Variants in TAFA5 observed in about 807,000 individuals in gnomAD.
The protein encoded by TAFA5 is TAFA chemokine like family member 5.
TAFA5 carries 6 observed loss-of-function variants against 15.3 expected under a neutral mutation model. The observed-to-expected ratio is 0.39, with a 90% CI of 0.21 to 0.77. TAFA5 has a LOEUF of 0.77. Among genes scored for constraint, TAFA5 ranks in the 30% least tolerant of loss-of-function variants. TAFA5 has a pLI of 0.41. For missense variants in TAFA5, 161 were observed against 193.1 expected (o/e 0.83, Z 0.98); for synonymous variants, 103 against 80.7 (o/e 1.28, Z -1.48).
At chr22:48,670,667 G>C (rs1412405533) in intron 2 of TAFA5, among the ~76,000 whole-genome samples, 1 of 152,272 alleles carries the variant, frequency 6.6e-6, no homozygotes, top group Non-Finnish European at 1.5e-5. Context: ...CAGGATTTAG[G>C]AGCGGCTGGT....
intron 2 of TAFA5, among the ~76,000 whole-genome samples, chr22:48,673,887 A>T (rs1367784152): frequency 2.0e-5 from 3 of 152,020 alleles, no homozygotes; most frequent in African/African-American, 7.2e-5. Flanking sequence ...AATGCATCAT[A>T]GCTGGGTATA....
At chr22:48,719,790 G>A (rs1409007747) in intron 3 of TAFA5, among the ~76,000 whole-genome samples, 2 of 152,150 alleles carry the variant, frequency 1.3e-5, no homozygotes, top group African/African-American at 4.8e-5. Flanking sequence ...TCATCACCAC[G>A]ATAATGGCTG....
chr22:48,736,808 G>T (rs982583041), intron 3 of TAFA5, among the ~76,000 whole-genome samples: 3 of 152,204 alleles, frequency 2.0e-5, no homozygotes, highest in Non-Finnish European at 4.4e-5. Flanking sequence ...CCGAATGAAG[G>T]CCCGTGGCCG....
rs1305321439 is a variant in TAFA5 at position 48,673,296 on chromosome 22, CAG to C, written c.262+26553_262+26554del. Among the ~76,000 whole-genome samples, 143 of 132,924 alleles carry C rather than the reference CAG, an allele frequency of 1.1e-3. 4 individuals are homozygous for C. Among genetic ancestry groups the C allele is most frequent in the Non-Finnish European group, 1.7e-4 (10 of 60,076 alleles). 87.2% of individuals were successfully genotyped at this position (132,924 alleles called of 152,430 possible). On this transcript the variant is annotated intron_variant, in intron 2 of 3. Transcript: ENST00000402357. ...CAGATGTTTTTTGAAAAAGATTAAA[CAG>C]AGTTTCTGCCTCTGTGTGTCTCTGC... is the stretch of plus-strand genomic sequence containing the variant.
intron 1 of TAFA5, among the ~76,000 whole-genome samples, chr22:48,628,551 G>A (rs1926103296): frequency 1.3e-5 from 2 of 152,228 alleles, no homozygotes; most frequent in South Asian, 4.1e-4. Context: ...GCATAGACGG[G>A]TTTGCTCCCT....
At chr22:48,647,242 T>A (rs1926900828) in intron 2 of TAFA5, among the ~76,000 whole-genome samples, 1 of 152,150 alleles carries the variant, frequency 6.6e-6, no homozygotes, top group African/African-American at 2.4e-5. Flanking sequence ...TCTGAGCACA[T>A]GCAGATGAGT....
intron 2 of TAFA5, among the ~76,000 whole-genome samples, chr22:48,651,901 C>T (rs5771676): frequency 0.48 from 73,482 of 151,888 alleles, 18,731 homozygotes; most frequent in Non-Finnish European, 0.57. Context: ...GGGGACCACA[C>T]TGATGGCAGG....
chr22:48,532,740 G>A lies in TAFA5; in HGVS notation c.112+43036G>A, dbSNP rs185804904. Among the ~76,000 whole-genome samples the A allele has an allele frequency of 6.0e-4, 92 of 152,328 alleles. 1 individual carries two copies. The highest frequency in any genetic ancestry group is 4.4e-3 in the East Asian group (23 of 5,178). On this transcript the variant is annotated intron_variant, in intron 1 of 3. Coordinates refer to ENST00000402357, the MANE Select transcript of TAFA5 (RefSeq NM_001082967.3). The stretch of plus-strand genomic sequence containing the variant: ...AGAGGAGGATGGCACAGGAGGTCAG[G>A]CCTGGAAGGACCCGGGCCACTTCTG...
At chr22:48,633,327 G>C (rs559138338) in intron 1 of TAFA5, among the ~76,000 whole-genome samples, 1 of 152,340 alleles carries the variant, frequency 6.6e-6, no homozygotes, top group South Asian at 2.1e-4. Context: ...TCGTTGCACA[G>C]ATATTCCTGA....
intron 1 of TAFA5, among the ~76,000 whole-genome samples, chr22:48,630,527 G>A (rs1013170076): frequency 3.9e-5 from 6 of 152,166 alleles, no homozygotes; most frequent in Admixed American, 6.5e-5. Context: ...TTCCAGCCTC[G>A]CTCGGGCCCA....
In TAFA5 at chr22:48,596,631, C is replaced by T. The variant is rs577284295; in HGVS notation, c.113-49966C>T. On this transcript the variant is annotated intron_variant, in intron 1 of 3. Transcript: ENST00000402357. The stretch of plus-strand genomic sequence containing the variant: ...AGGCGCGTGAGTGACAAGTGAGGCT[C>T]GACATTGACACGCTGTTATTAACCG... Among the ~76,000 whole-genome samples, 7 of 152,074 alleles carry T rather than the reference C, an allele frequency of 4.6e-5. No individual in the cohort carries two copies. In the South Asian group the frequency reaches 1.3e-3, roughly 27 times the overall value.
intron 3 of TAFA5, among the ~76,000 whole-genome samples, chr22:48,716,016 T>C (rs1159470188): frequency 2.0e-5 from 3 of 152,252 alleles, no homozygotes; most frequent in African/African-American, 7.2e-5. Flanking sequence ...TCCTTTCCCA[T>C]TGCTTGTTTT....
intron 1 of TAFA5, among the ~76,000 whole-genome samples, chr22:48,597,544 C>G (rs1161816921): frequency 6.7e-6 from 1 of 149,438 alleles, no homozygotes; most frequent in Non-Finnish European, 1.5e-5. Flanking sequence ...CAGAGTGTCC[C>G]AGGAGCTACC....
intron 2 of TAFA5, among the ~76,000 whole-genome samples, chr22:48,666,127 C>T (rs2147218055): frequency 6.6e-6 from 1 of 152,318 alleles, no homozygotes; most frequent in South Asian, 2.1e-4. Context: ...GCAGAGGCCA[C>T]TGTGTGCCCT....
chr22:48,637,755 C>G (rs1205076350), intron 1 of TAFA5, among the ~76,000 whole-genome samples: 1 of 152,048 alleles, frequency 6.6e-6, no homozygotes, highest in Non-Finnish European at 1.5e-5. Context: ...CAGCCTCTGT[C>G]CAGCCCAAAC....
At chr22:48,733,772 A>G (rs6010504) in intron 3 of TAFA5, among the ~76,000 whole-genome samples, 12,611 of 152,196 alleles carry the variant, frequency 0.083, 598 homozygotes, top group African/African-American at 0.11. Context: ...TCGTGTGTTC[A>G]TTCGCACATT....
intron 1 of TAFA5, among the ~76,000 whole-genome samples, chr22:48,551,661 G>A (rs533056208): frequency 6.6e-6 from 1 of 152,144 alleles, no homozygotes; most frequent in Admixed American, 6.5e-5. Context: ...TCCTAAGGGG[G>A]GCAGGGTTCT....
Position 48,742,045 on chromosome 22 carries a change from C to T in TAFA5, c.391-7794C>T, listed in dbSNP as rs545694378. Among the ~76,000 whole-genome samples, 8 of 152,332 alleles carry T rather than the reference C, an allele frequency of 5.3e-5. No individual in the cohort carries two copies. The highest frequency in any genetic ancestry group is 2.6e-4 in the Admixed American group (4 of 15,308). On this transcript the variant is annotated intron_variant, in intron 3 of 3. Coordinates refer to ENST00000402357, the MANE Select transcript of TAFA5 (RefSeq NM_001082967.3). This position sits in a 1 kb window ranked among gnomAD's most constrained non-coding sequence, Gnocchi z 6.2. ...CACTGTTCCTATCCCGTGTTACAGA[C>T]GGGGAAACTGGGGCTCCCAGAGGCT...
chr22:48,534,522 G>A (rs1169890554), intron 1 of TAFA5, among the ~76,000 whole-genome samples: 1 of 152,174 alleles, frequency 6.6e-6, no homozygotes. Context: ...GGGTGGACAG[G>A]GCAGGCTGGA....
Sources: allele counts gnomAD v4.1 joint callset (sites outside exome capture counted in the v4.1 genomes callset), GRCh38; gene constraint gnomAD v4.1.1; non-coding constraint Gnocchi (gnomAD v3.1); transcripts MANE v1.5; gene names NCBI Gene and HGNC (gene_info 2026-07-23, HGNC 2026-07-21).